The following UTP20 variants were observed in gnomAD, a reference collection of about 807,000 sequenced individuals.
UTP20 encodes the protein small subunit processome component 20 homolog.
A neutral mutation model predicts 329.5 loss-of-function variants in UTP20; 164 were observed. The observed-to-expected ratio is 0.50, with a 90% CI of 0.44 to 0.57. The LOEUF (loss-of-function observed/expected upper bound fraction) is 0.57, where lower values mean the gene tolerates loss of function less well. UTP20 is among the 20% of genes least tolerant of loss of function. The probability of loss-of-function intolerance (pLI) is 0.00; values close to 1 mark genes in which losing one functional copy is unlikely to be tolerated. For missense variants in UTP20, 3,055 were observed against 3,284.2 expected (o/e 0.93, Z 1.71); for synonymous variants, 1,151 against 1,159.3 (o/e 0.99, Z 0.14).
rs1410429509 is a variant in UTP20 at position 101,386,320 on chromosome 12, C to T, written c.*197C>T. 2.2e-6 allele frequency: 1 copy of T among 464,314 alleles called. No homozygotes were observed. The highest frequency in any genetic ancestry group is 3.7e-6 in the Non-Finnish European group (1 of 269,492). 28.8% of individuals were successfully genotyped at this position (464,314 alleles called of 1,614,324 possible). A position where few individuals can be genotyped will look rare whatever the true frequency, so the allele number is the denominator to read the frequency against. On this transcript the variant is annotated 3_prime_UTR_variant, in exon 62 of 62. Transcript: ENST00000261637. ...AACCTGGGTTCAAGTGATCCTCTCA[C>T]CTCAGCCTCCCAAGTAGTTGTGCCT...
In UTP20 at chr12:101,343,040, G is replaced by T. The variant is rs983432198; in HGVS notation, c.4396G>T (p.Val1466Leu). 6 of 1,613,126 alleles carry T rather than the reference G, an allele frequency of 3.7e-6. No homozygotes were observed. In the Middle Eastern group the frequency reaches 5.0e-4, roughly 133 times the overall value. Residue 1466 changes from valine to leucine, a missense_variant, in exon 35 of 62, where the codon GTG (valine) becomes TTG (leucine). Around this residue, in one of 3 missense-constraint regions of UTP20, gnomAD observed 2,445 missense variants for 2,575.5 expected, o/e 0.95. Transcript: ENST00000261637. ...CTCTTACATTAAAGAAATGCAAATT[G>T]TGGATGTTAACTACCTAATTCCAGT... ...ITSYIKEMQI[V>L]DVNYLIPVMH...
intron 2 of UTP20, 116 bp from the exon 3 acceptor site, chr12:101,285,454 A>G (rs941360023): frequency 1.8e-6 from 2 of 1,118,284 alleles, no homozygotes; most frequent in Non-Finnish European, 2.5e-6. Context: ...AACTAAAAGG[A>G]GTTCTTAAAC....
chr12:101,338,721 G>A (rs1369157655), intron 30 of UTP20, 92 bp from the exon 31 acceptor site: 3 of 1,054,782 alleles, frequency 2.8e-6, no homozygotes, highest in Non-Finnish European at 4.0e-6. Context: ...TGTTCATAGT[G>A]GTTGAGTGCT....
intron 32 of UTP20, 29 bp from the exon 33 acceptor site, chr12:101,342,417 T>A (rs773185212): frequency 4.5e-6 from 7 of 1,570,252 alleles, no homozygotes; most frequent in Non-Finnish European, 6.0e-6. Flanking sequence ...CTTACTGAAA[T>A]ATGATTTCTC....
chr12:101,351,379 C>T (rs955799264), intron 38 of UTP20, among the ~76,000 whole-genome samples: 4 of 152,150 alleles, frequency 2.6e-5, no homozygotes, highest in African/African-American at 9.7e-5. Context: ...CCAGCCTCGG[C>T]CTCCCAAAGT....
At chr12:101,285,986 G>C (rs1871949237) in intron 4 of UTP20, 105 bp downstream of exon 4, 2 of 1,458,326 alleles carry the variant, frequency 1.4e-6, no homozygotes, top group African/African-American at 2.8e-5. Context: ...TCATAATTTA[G>C]AAACAAGGAG....
In UTP20 at chr12:101,317,552, C is replaced by G. The variant is rs1873012515; in HGVS notation, c.2627C>G (p.Ala876Gly). ...CGGAGAAAAGGCAAAGGGATGGTGG[C>G]AGAGGAAATCGAAGAGGAACCTGCC... ...DLRRKGKGMV[A>G]EEIEEEPAAG... is the part of the protein sequence containing the mutation. Residue 876 changes from alanine to glycine, a missense_variant, in exon 22 of 62, where the codon GCA becomes GGA. This residue lies in a region of UTP20 where 2,445 missense variants were observed against 2,575.5 expected (regional missense o/e 0.95). Transcript: ENST00000261637. 6.2e-7 allele frequency: 1 copy of G among 1,614,130 alleles called. No homozygotes were observed.
At chr12:101,374,145 G>A (rs1565808306) in intron 54 of UTP20, among the ~76,000 whole-genome samples, 1 of 150,446 alleles carries the variant, frequency 6.6e-6, no homozygotes, top group African/African-American at 2.4e-5. Context: ...TGAGGCAGGA[G>A]AATGGCGTGA....
In UTP20 at chr12:101,382,725, C is replaced by T. The variant is rs185506615; in HGVS notation, c.7657-316C>T. 1.6e-4 allele frequency among the ~76,000 whole-genome samples: 25 copies of T among 151,808 alleles called. No individual in the cohort carries two copies. In the East Asian group the frequency reaches 2.4e-3, roughly 14 times the overall value. ...AAAATTAGCCAGGCATGGTGGTGCA[C>T]GCCTGTAATCCCAGCTTCTCAGGAG... On this transcript the variant is annotated intron_variant, in intron 58 of 61. Coordinates refer to ENST00000261637, the MANE Select transcript of UTP20 (RefSeq NM_014503.3).
In UTP20 at chr12:101,357,044, T is replaced by C. The variant is rs143995811; in HGVS notation, c.5653T>C (p.Leu1885=). The change falls in exon 43 of 62, where the codon TTA becomes CTA. Residue 1885 remains leucine (L), a synonymous_variant. Coordinates refer to ENST00000261637, the MANE Select transcript of UTP20 (RefSeq NM_014503.3). ...DLGVHFLLYV[L]KELQTTLVRG... Reference sequence around the variant, plus strand: ...TGGTGTGCACTTCCTCCTATATGTTTTAAAAGAATTACAGACTACTCTTGT... The same window carrying C: ...TGGTGTGCACTTCCTCCTATATGTTCTAAAAGAATTACAGACTACTCTTGT... 1.7e-5 allele frequency: 27 copies of C among 1,613,578 alleles called. No homozygotes were observed. In the African/African-American group the frequency reaches 2.1e-4, roughly 13 times the overall value.
intron 5 of UTP20, 23 bp from the exon 6 acceptor site, chr12:101,288,937 T>G (rs1872045250): frequency 1.3e-6 from 2 of 1,578,886 alleles, no homozygotes; most frequent in South Asian, 2.2e-5. Context: ...TAATGAAATG[T>G]ATCTTATTTT....
At chr12:101,331,169 T>C (rs1012154165) in intron 27 of UTP20, among the ~76,000 whole-genome samples, 12 of 152,174 alleles carry the variant, frequency 7.9e-5, no homozygotes, top group Non-Finnish European at 1.2e-4. Context: ...ATTTTCAGGA[T>C]TTTTCTCTAG....
chr12:101,321,552 A>G lies in UTP20; in HGVS notation c.2964A>G (p.Ile988Met). 1 of 1,613,690 alleles carries G rather than the reference A, an allele frequency of 6.2e-7. No individual in the cohort carries two copies. The highest frequency in any genetic ancestry group is 8.5e-7 in the Non-Finnish European group (1 of 1,179,768). Residue 988 changes from isoleucine to methionine, a missense_variant, in exon 25 of 62, where the codon ATA becomes ATG. This residue lies in a region of UTP20 where 2,445 missense variants were observed against 2,575.5 expected (regional missense o/e 0.95). Coordinates refer to ENST00000261637, the MANE Select transcript of UTP20 (RefSeq NM_014503.3). ...AAGACAGAAGCTTTAAGGAAGAGATAGTGCATTTTAGCATTTCAGAAGATA... is the reference window on the plus strand; with the variant it reads ...AAGACAGAAGCTTTAAGGAAGAGATGGTGCATTTTAGCATTTCAGAAGATA... ...LLEDRSFKEEIVHFSISEDNA... is the reference protein window; with the variant it reads ...LLEDRSFKEEMVHFSISEDNA...
intron 43 of UTP20, among the ~76,000 whole-genome samples, chr12:101,361,693 G>T (rs1341461174): frequency 6.6e-6 from 1 of 151,852 alleles, no homozygotes; most frequent in Non-Finnish European, 1.5e-5. Context: ...CAAGACTCTT[G>T]TGCCTTTCTT....
chr12:101,316,198 C>T (rs553721633), intron 21 of UTP20, among the ~76,000 whole-genome samples: 31 of 152,200 alleles, frequency 2.0e-4, no homozygotes, highest in Admixed American at 8.5e-4. Context: ...TTCTCTGAGA[C>T]GAACCAAACC....
intron 50 of UTP20, 59 bp from the exon 51 acceptor site, chr12:101,370,999 T>A: frequency 1.4e-6 from 2 of 1,471,494 alleles, no homozygotes; most frequent in Non-Finnish European, 1.9e-6. Context: ...TCAAATCTGC[T>A]TCCACGCATC....
At chr12:101,337,227 A>G (rs1267803942) in intron 29 of UTP20, among the ~76,000 whole-genome samples, 1 of 152,258 alleles carries the variant, frequency 6.6e-6, no homozygotes, top group Non-Finnish European at 1.5e-5. Flanking sequence ...TATTTGCTGG[A>G]CAGAAAGATG....
Position 101,305,899 on chromosome 12 carries a change from G to A in UTP20, c.1782-16G>A, listed in dbSNP as rs750079058. ...TTATATGGTACAGTTTGGGTCTAAT[G>A]AACATCTCGTTGCAGAACCTTTCCC... On this transcript the variant is annotated splice_polypyrimidine_tract_variant and intron_variant, in intron 15 of 61. Transcript: ENST00000261637. The A allele has an allele frequency of 6.3e-6, 10 of 1,584,666 alleles. No homozygotes were observed. The highest frequency in any genetic ancestry group is 8.6e-6 in the Non-Finnish European group (10 of 1,162,884).
chr12:101,328,600 G>T (rs1868644759), intron 26 of UTP20, among the ~76,000 whole-genome samples: 1 of 152,172 alleles, frequency 6.6e-6, no homozygotes, highest in African/African-American at 2.4e-5. Context: ...CAGGCATAGT[G>T]GCTCAGGCCA....
Sources: allele counts gnomAD v4.1 joint callset (sites outside exome capture counted in the v4.1 genomes callset), GRCh38; gene constraint gnomAD v4.1.1; regional missense constraint gnomAD v4.1.1; transcripts MANE v1.5; gene names NCBI Gene and HGNC (gene_info 2026-07-23, HGNC 2026-07-21).